ETV6: variants seen among roughly 807,000 people sequenced by gnomAD.
ETV6 encodes transcription factor ETV6.
A neutral mutation model predicts 51.1 loss-of-function variants in ETV6; 16 were observed. The observed-to-expected ratio is 0.31, with a 90% CI of 0.21 to 0.48. ETV6 has a LOEUF of 0.48. Among genes scored for constraint, ETV6 ranks in the 20% least tolerant of loss-of-function variants. The pLI, the probability that ETV6 is intolerant of heterozygous loss-of-function variation, is 0.99. For synonymous variants in ETV6, 240 were observed against 224.1 expected, an observed-to-expected ratio of 1.07 and a Z score of -0.64; for missense variants, 458 against 594.8, an observed-to-expected ratio of 0.77 and a Z score of 2.39.
chr12:11,749,929 C>A (rs1020095091), intron 1 of ETV6, among the ~76,000 whole-genome samples: 1 of 152,242 alleles, frequency 6.6e-6, no homozygotes, highest in Non-Finnish European at 1.5e-5. Context: ...CAAGTCTCTT[C>A]ATTGAGCCTT....
Position 11,830,605 on chromosome 12 carries a change from G to GACCCCTC in ETV6, c.164-8535_164-8534insACCCCTC, listed in dbSNP as rs1158767057. On this transcript the variant is annotated intron_variant, in intron 2 of 7. Transcript: ENST00000396373. ...TGATCAGATGTGTCGGGGAGGAGAG[G>GACCCCTC]GGTGCCAATCACAGACTGCAGAGCT... 2.3e-3 allele frequency among the ~76,000 whole-genome samples: 345 copies of GACCCCTC among 152,296 alleles called. 2 individuals carry two copies. The highest frequency in any genetic ancestry group is 2.3e-3 in the South Asian group (11 of 4,832).
At chr12:11,810,906 C>T (rs1945902831) in intron 2 of ETV6, among the ~76,000 whole-genome samples, 1 of 152,102 alleles carries the variant, frequency 6.6e-6, no homozygotes, top group Non-Finnish European at 1.5e-5. Flanking sequence ...CCTTGGATAC[C>T]TCTAACAATG....
rs147889803 is a variant in ETV6, at chr12:11,673,189, G to C, written c.33+23029G>C. Among the ~76,000 whole-genome samples the C allele has an allele frequency of 2.2e-3, 337 of 152,336 alleles. 2 individuals carry two copies. The highest frequency in any genetic ancestry group is 7.8e-3 in the African/African-American group (324 of 41,572). On this transcript the variant is annotated intron_variant, in intron 1 of 7. Coordinates refer to ENST00000396373, the MANE Select transcript of ETV6 (RefSeq NM_001987.5). ...GTGTTCTGAGGGTGTGTGAATGAGG[G>C]TGTTGATCCTGGCTGCAGAAGGGGC...
At chr12:11,840,406 G>A (rs1946372027) in intron 3 of ETV6, 2 of 455,932 alleles carry the variant, frequency 4.4e-6, no homozygotes, top group South Asian at 3.1e-5. Context: ...TATGCCTCTT[G>A]CGGGATTAAT....
intron 1 of ETV6, among the ~76,000 whole-genome samples, chr12:11,672,754 T>G (rs1864344101): frequency 6.6e-6 from 1 of 152,178 alleles, no homozygotes; most frequent in Non-Finnish European, 1.5e-5. Flanking sequence ...AAATATTAGC[T>G]ATTACCGAGT....
At position 11,731,011 on chromosome 12, in the gene ETV6, T is replaced by A. The variant is rs75156300; in HGVS notation, c.34-21439T>A. 4.4e-3 allele frequency among the ~76,000 whole-genome samples: 673 copies of A among 152,286 alleles called. 12 individuals carry two copies. Among genetic ancestry groups the A allele is most frequent in the African/African-American group, 0.016 (649 of 41,560 alleles). On this transcript the variant is annotated intron_variant, in intron 1 of 7. Coordinates refer to ENST00000396373, the MANE Select transcript of ETV6 (RefSeq NM_001987.5). ...CCGATTCTAGGCCAAGCCCCTCCAG[T>A]GTAGTTGGTGACCCAGAACAGGTGA...
At chr12:11,883,844 C>G (rs1329894125) in intron 5 of ETV6, among the ~76,000 whole-genome samples, 1 of 152,130 alleles carries the variant, frequency 6.6e-6, no homozygotes, top group Non-Finnish European at 1.5e-5. Flanking sequence ...CTTTTTGAAA[C>G]CATGCTAGCC....
intron 5 of ETV6, among the ~76,000 whole-genome samples, chr12:11,883,318 G>A (rs965387208): frequency 2.8e-5 from 2 of 70,322 alleles, no homozygotes; most frequent in Admixed American, 2.1e-4. Context: ...TTTTGAGACT[G>A]AGTCTCACTT....
intron 2 of ETV6, among the ~76,000 whole-genome samples, chr12:11,805,853 C>T (rs866993217): frequency 6.6e-6 from 1 of 152,176 alleles, no homozygotes; most frequent in Admixed American, 6.5e-5. Flanking sequence ...CCTTGGACCT[C>T]GTAAACTCTG....
intron 3 of ETV6, among the ~76,000 whole-genome samples, chr12:11,844,941 C>T (rs1946440042): frequency 6.6e-6 from 1 of 152,094 alleles, no homozygotes; most frequent in South Asian, 2.1e-4. Context: ...AAGCAATTCT[C>T]CTGCCTCAGC....
In ETV6 at chr12:11,705,987, G is replaced by T. The variant is rs1321236041; in HGVS notation, c.34-46463G>T. Among the ~76,000 whole-genome samples, 4 of 136,174 alleles carry T rather than the reference G, an allele frequency of 2.9e-5. No individual in the cohort carries two copies. The East Asian group carries it at 7.0e-4, about 24-fold the overall frequency. The allele number at this position is 136,174 out of a possible 152,430, so 89.3% of individuals were successfully genotyped here. A position where few individuals can be genotyped will look rare whatever the true frequency, so the allele number is the denominator to read the frequency against. On this transcript the variant is annotated intron_variant, in intron 1 of 7. Transcript: ENST00000396373. ...TTGTAGCGGCAGGAGCTCCATTTTG[G>T]GGGGGTCACCCCCTGAACTTTGATG...
chr12:11,836,174 G>C (rs1238317256), intron 2 of ETV6, among the ~76,000 whole-genome samples: 1 of 147,434 alleles, frequency 6.8e-6, no homozygotes, highest in Non-Finnish European at 1.5e-5. Context: ...TAAGGAAAAG[G>C]GGCTTTTTCC....
At chr12:11,823,362 G>A (rs1183333983) in intron 2 of ETV6, among the ~76,000 whole-genome samples, 1 of 152,052 alleles carries the variant, frequency 6.6e-6, no homozygotes, top group African/African-American at 2.4e-5. Context: ...AAATTTCATA[G>A]TTCTGACATC....
intron 1 of ETV6, among the ~76,000 whole-genome samples, chr12:11,691,721 TAC>T (rs1260875854): frequency 1.3e-5 from 2 of 152,252 alleles, no homozygotes; most frequent in Non-Finnish European, 2.9e-5. Context: ...GAGCCGATTA[TAC>T]ACAGTTTATT....
intron 3 of ETV6, among the ~76,000 whole-genome samples, chr12:11,845,704 A>G (rs950296800): frequency 1.3e-5 from 2 of 152,216 alleles, no homozygotes; most frequent in Admixed American, 1.3e-4. Flanking sequence ...CTTAGAAACT[A>G]GGACCAGGCT....
At chr12:11,790,746 T>C (rs1437950237) in intron 2 of ETV6, among the ~76,000 whole-genome samples, 5 of 150,652 alleles carry the variant, frequency 3.3e-5, no homozygotes, top group African/African-American at 4.9e-5. Context: ...AACATAATCT[T>C]GGCTCACTGC....
At chr12:11,805,604 G>A (rs919500780) in intron 2 of ETV6, among the ~76,000 whole-genome samples, 1 of 152,218 alleles carries the variant, frequency 6.6e-6, no homozygotes, top group African/African-American at 2.4e-5. Context: ...AAGAAGGTAG[G>A]ATTATTTCTG....
At chr12:11,757,919 C>A (rs867164275) in intron 2 of ETV6, among the ~76,000 whole-genome samples, 1 of 152,164 alleles carries the variant, frequency 6.6e-6, no homozygotes, top group Admixed American at 6.5e-5. Context: ...GTTCACCAGT[C>A]CTGCTGCCTC....
At chr12:11,688,428 G>T (rs534241229) in intron 1 of ETV6, among the ~76,000 whole-genome samples, 2 of 152,190 alleles carry the variant, frequency 1.3e-5, no homozygotes, top group South Asian at 2.1e-4. Context: ...CTTCAGTCTC[G>T]TGGCTGTCTA....
Sources: allele counts gnomAD v4.1 joint callset (sites outside exome capture counted in the v4.1 genomes callset), GRCh38; gene constraint gnomAD v4.1.1; transcripts MANE v1.5; gene names NCBI Gene and HGNC (gene_info 2026-07-23, HGNC 2026-07-21).